Variants in PRKG1 observed in about 807,000 individuals in gnomAD.
PRKG1 encodes the protein protein kinase cGMP-dependent 1, also known as cGMP-dependent protein kinase 1.
Under a neutral mutation model 88.1 loss-of-function variants are expected in PRKG1, and 35 were observed. The observed-to-expected ratio is 0.40, with a 90% CI of 0.30 to 0.53. The LOEUF (loss-of-function observed/expected upper bound fraction) is 0.53. Among genes scored for constraint, PRKG1 ranks in the 20% least tolerant of loss-of-function variants. The pLI is 0.59. For missense variants in PRKG1, 540 were observed against 839.8 expected, an observed-to-expected ratio of 0.64 and a Z score of 4.41; for synonymous variants, 303 against 292.5, an observed-to-expected ratio of 1.04 and a Z score of -0.37.
intron 8 of PRKG1, among the ~76,000 whole-genome samples, chr10:52,144,201 AG>A (rs34475729): frequency 6.6e-6 from 1 of 152,150 alleles, no homozygotes; most frequent in African/African-American, 2.4e-5. Context: ...TACAGTAATA[AG>A]GGGAGTGTGG....
chr10:51,703,553 A>G (rs902809652), intron 3 of PRKG1, among the ~76,000 whole-genome samples: 2 of 152,164 alleles, frequency 1.3e-5, no homozygotes, highest in Admixed American at 6.6e-5. Flanking sequence ...TAAAATCATT[A>G]TATATCCCCC....
chr10:51,167,091 A>T (rs1846566032), intron 2 of PRKG1, among the ~76,000 whole-genome samples: 1 of 152,184 alleles, frequency 6.6e-6, no homozygotes, highest in African/African-American at 2.4e-5. Context: ...CATTCTGGTG[A>T]TGGTGGCAGG....
At chr10:51,774,814 T>A (rs1191796924) in intron 3 of PRKG1, among the ~76,000 whole-genome samples, 1 of 152,108 alleles carries the variant, frequency 6.6e-6, no homozygotes, top group African/African-American at 2.4e-5. Context: ...AAGACAGAGA[T>A]GAGATGCATT....
chr10:52,214,026 T>G (rs1840050627), intron 9 of PRKG1, among the ~76,000 whole-genome samples: 2 of 152,156 alleles, frequency 1.3e-5, no homozygotes, highest in African/African-American at 2.4e-5. Context: ...CGATGTGGAA[T>G]AAGCCTACTT....
At chr10:51,410,415 C>A (rs114250049) in intron 2 of PRKG1, among the ~76,000 whole-genome samples, 1 of 151,782 alleles carries the variant, frequency 6.6e-6, no homozygotes, top group Non-Finnish European at 1.5e-5. Context: ...GTATGATATT[C>A]GAGGGCAGGA....
At chr10:52,055,143 A>C (rs1157564610) in intron 6 of PRKG1, among the ~76,000 whole-genome samples, 2 of 152,328 alleles carry the variant, frequency 1.3e-5, no homozygotes, top group Non-Finnish European at 2.9e-5. Flanking sequence ...CTCCAAAAAA[A>C]GAGAAAGTAA....
At chr10:51,070,020 T>A (rs545936513), upstream of PRKG1, among the ~76,000 whole-genome samples, 3 of 152,086 alleles carry the variant, frequency 2.0e-5, no homozygotes, top group African/African-American at 7.2e-5. Flanking sequence ...TCCAAATTTG[T>A]CCTCTTCACC....
chr10:51,858,689 C>T (rs1048715721), intron 4 of PRKG1, among the ~76,000 whole-genome samples: 4 of 151,454 alleles, frequency 2.6e-5, no homozygotes, highest in African/African-American at 2.4e-5. Flanking sequence ...TTACTGGGTG[C>T]CTGCCATATT....
At chr10:52,046,475 C>G (rs1845866255) in intron 5 of PRKG1, among the ~76,000 whole-genome samples, 1 of 151,940 alleles carries the variant, frequency 6.6e-6, no homozygotes. Flanking sequence ...CTGAAATTTC[C>G]CTAAAAATAA....
At position 52,135,237 on chromosome 10, in the gene PRKG1, TATG is replaced by T. The variant is rs150745308; in HGVS notation, c.1001+1337_1001+1339del. On this transcript the variant is annotated intron_variant, in intron 8 of 17. Coordinates refer to ENST00000373980, the MANE Select transcript of PRKG1 (RefSeq NM_006258.4). ...GGAAGTATAGGAAAAGCAATATAAA[TATG>T]ATGACTAGTGTAAGAATTACTCATA... Among the ~76,000 whole-genome samples the T allele has an allele frequency of 3.0e-3, 449 of 152,122 alleles. 2 individuals carry two copies. The highest frequency in any genetic ancestry group is 0.01 in the African/African-American group (427 of 41,514).
At chr10:52,233,452 T>TGC (rs1165809617) in intron 9 of PRKG1, among the ~76,000 whole-genome samples, 1 of 147,090 alleles carries the variant, frequency 6.8e-6, no homozygotes, top group Non-Finnish European at 1.5e-5. Context: ...GGCCAGTGGG[T>TGC]GCGTGCACCG....
intron 3 of PRKG1, among the ~76,000 whole-genome samples, chr10:51,649,142 A>T (rs1839981845): frequency 6.6e-6 from 1 of 152,190 alleles, no homozygotes; most frequent in Non-Finnish European, 1.5e-5. Context: ...CTTTGCCCCT[A>T]GGATTCAAAT....
intron 7 of PRKG1, among the ~76,000 whole-genome samples, chr10:52,068,861 G>C (rs11000680): frequency 0.17 from 26,310 of 152,102 alleles, 2,868 homozygotes; most frequent in South Asian, 0.28. Flanking sequence ...TTTAAGTTTC[G>C]TTAGGTCATA....
chr10:51,334,202 C>T (rs1448698826), intron 2 of PRKG1, among the ~76,000 whole-genome samples: 1 of 150,338 alleles, frequency 6.7e-6, no homozygotes, highest in Non-Finnish European at 1.5e-5. Context: ...CACTCACACA[C>T]ACATACAAAC....
At chr10:51,979,165 G>C (rs1051878591) in intron 5 of PRKG1, among the ~76,000 whole-genome samples, 4 of 151,842 alleles carry the variant, frequency 2.6e-5, no homozygotes, top group African/African-American at 4.8e-5. Flanking sequence ...AGTTTTGAAC[G>C]TGAAGAGATA....
At chr10:52,009,853 A>G (rs1289576150) in intron 5 of PRKG1, among the ~76,000 whole-genome samples, 1 of 152,038 alleles carries the variant, frequency 6.6e-6, no homozygotes, top group Non-Finnish European at 1.5e-5. Flanking sequence ...AGTAGACAGC[A>G]CAGAAGTAAT....
intron 2 of PRKG1, among the ~76,000 whole-genome samples, chr10:51,232,918 G>A (rs1473108097): frequency 6.6e-6 from 1 of 152,168 alleles, no homozygotes; most frequent in Non-Finnish European, 1.5e-5. Context: ...TCAAAAGGGA[G>A]CTAACCTATT....
At chr10:51,226,163 C>T (rs1179708962) in intron 2 of PRKG1, among the ~76,000 whole-genome samples, 2 of 152,114 alleles carry the variant, frequency 1.3e-5, no homozygotes, top group Non-Finnish European at 2.9e-5. Context: ...AAGATCACTC[C>T]ACAGCACTCT....
chr10:51,429,032 A>T (rs1838681189), intron 2 of PRKG1, among the ~76,000 whole-genome samples: 1 of 152,334 alleles, frequency 6.6e-6, no homozygotes, highest in Admixed American at 6.5e-5. Context: ...CCCTTGCTGG[A>T]CATGAGACTA....
Sources: gnomAD v4.1 joint callset for allele counts (sites outside exome capture counted in the v4.1 genomes callset) on GRCh38, gnomAD v4.1.1 for gene constraint, MANE v1.5 for transcripts, NCBI Gene and HGNC (gene_info 2026-07-23, HGNC 2026-07-21) for gene names.